SESTD1: variants seen among roughly 807,000 people sequenced by gnomAD.
SESTD1 encodes the protein SEC14 domain and spectrin repeat-containing protein 1.
A neutral mutation model predicts 101.7 loss-of-function variants in SESTD1; 43 were observed. The observed-to-expected ratio is 0.42, with a 90% CI of 0.33 to 0.55. SESTD1 has a LOEUF of 0.55. SESTD1 is among the 20% of genes least tolerant of loss of function. The probability of loss-of-function intolerance (pLI) is 0.07; values close to 1 mark genes in which losing one functional copy is unlikely to be tolerated. For synonymous variants in SESTD1, 283 were observed against 286.8 expected, an observed-to-expected ratio of 0.99 and a Z score of 0.13; for missense variants, 647 against 815.1, an observed-to-expected ratio of 0.79 and a Z score of 2.51.
At chr2:179,252,565 A>G (rs2047334171) in intron 1 of SESTD1, among the ~76,000 whole-genome samples, 1 of 152,238 alleles carries the variant, frequency 6.6e-6, no homozygotes, top group Non-Finnish European at 1.5e-5. Context: ...ATCAAAACAG[A>G]AAAAGATTTA....
intron 15 of SESTD1, 198 bp downstream of exon 15, chr2:179,116,470 G>A (rs2044636003): frequency 1.4e-6 from 1 of 712,204 alleles, no homozygotes; most frequent in Non-Finnish European, 2.4e-6. Context: ...TGCAGAACAT[G>A]TATTCAGGGA....
chr2:179,151,500 G>C, intron 5 of SESTD1, 109 bp from the exon 6 acceptor site: 1 of 582,986 alleles, frequency 1.7e-6, no homozygotes, highest in Non-Finnish European at 2.9e-6. Flanking sequence ...TTTCCAACAT[G>C]ATGACACATT....
chr2:179,136,436 C>T (rs2045146366), intron 9 of SESTD1, among the ~76,000 whole-genome samples: 1 of 152,048 alleles, frequency 6.6e-6, no homozygotes, highest in African/African-American at 2.4e-5. Context: ...CTTTAAGAAA[C>T]AGAAATAAAA....
chr2:179,132,397 T>C lies in SESTD1; in HGVS notation c.879A>G (p.Ser293=), dbSNP rs752069973. The C allele has an allele frequency of 6.4e-7, 1 of 1,562,236 alleles. No homozygotes were observed. Among genetic ancestry groups the C allele is most frequent in the Non-Finnish European group, 8.6e-7 (1 of 1,163,138 alleles). ...TGCCCCACTGGGCTCTTAGTTGTTC[T>C]GATCCAGGCCCTTCTAGCCAGTTCA... ...QVVNWLEGPG[S]EQLRAQWGIG... The change falls in exon 10 of 18, where the codon TCA becomes TCG. Residue 293 remains serine, a synonymous_variant. Coordinates refer to ENST00000428443, the MANE Select transcript of SESTD1 (RefSeq NM_178123.5).
chr2:179,145,734 G>C (rs975863215), intron 8 of SESTD1, among the ~76,000 whole-genome samples: 4 of 152,190 alleles, frequency 2.6e-5, no homozygotes, highest in African/African-American at 9.6e-5. Flanking sequence ...TATGGAGAGA[G>C]AGCTTAATAG....
chr2:179,243,541 A>G (rs2105548852), intron 1 of SESTD1, among the ~76,000 whole-genome samples: 1 of 152,346 alleles, frequency 6.6e-6, no homozygotes, highest in East Asian at 1.9e-4. Flanking sequence ...GATAAAGAAA[A>G]TGTGGTACAA....
chr2:179,116,346 A>G (rs2044633286), intron 15 of SESTD1, among the ~76,000 whole-genome samples: 1 of 152,186 alleles, frequency 6.6e-6, no homozygotes, highest in Non-Finnish European at 1.5e-5. Flanking sequence ...TGTGATGCAG[A>G]AAGTGAGGTT....
intron 17 of SESTD1, among the ~76,000 whole-genome samples, chr2:179,112,397 C>T (rs1395147680): frequency 5.3e-5 from 8 of 152,216 alleles, no homozygotes; most frequent in Non-Finnish European, 1.2e-4. Context: ...ACATCAATCC[C>T]TTGTCCCCTC....
At chr2:179,245,578 G>A (rs2047218235) in intron 1 of SESTD1, among the ~76,000 whole-genome samples, 1 of 147,446 alleles carries the variant, frequency 6.8e-6, no homozygotes, top group Non-Finnish European at 1.5e-5. Context: ...TATGGTCCTA[G>A]CTACTTAGGG....
chr2:179,231,331 GA>G (rs1338868517), intron 1 of SESTD1, among the ~76,000 whole-genome samples: 1 of 151,782 alleles, frequency 6.6e-6, no homozygotes, highest in African/African-American at 2.4e-5. Flanking sequence ...TGGAAAAAGA[GA>G]AAAAGAAAAA....
At chr2:179,153,232 ATTCTTTATGT>A (rs764936105) in intron 5 of SESTD1, among the ~76,000 whole-genome samples, 23 of 152,328 alleles carry the variant, frequency 1.5e-4, no homozygotes, top group Non-Finnish European at 2.9e-4. Context: ...GAATCATTAG[ATTCTTTATGT>A]TTTCAGTAAT....
Position 179,197,094 on chromosome 2 carries a change from C to G in SESTD1, c.-25-5228G>C, listed in dbSNP as rs2046410712. On this transcript the variant is annotated intron_variant, in intron 1 of 17. Transcript: ENST00000428443. Reference sequence around the variant, plus strand: ...TAGAAGAATGTATAACTAGAATAACCAATACAGAGAAGTACTTAAAGGAGC... The same window carrying G: ...TAGAAGAATGTATAACTAGAATAACGAATACAGAGAAGTACTTAAAGGAGC... 2.6e-5 allele frequency among the ~76,000 whole-genome samples: 4 copies of G among 151,870 alleles called. No homozygotes were observed. In the South Asian group the frequency reaches 8.3e-4, roughly 32 times the overall value.
Position 179,104,641 on chromosome 2 carries a change from T to C in SESTD1, c.*5258A>G, listed in dbSNP as rs527861839. ...TCACTGGGAACTGGCTGGAGTTCAA[T>C]AGCCCTTTTGTCAGAAAGTTTTCTA... is the stretch of plus-strand genomic sequence containing the variant. On this transcript the variant is annotated 3_prime_UTR_variant, in exon 18 of 18. Transcript: ENST00000428443. 1.3e-5 allele frequency: 2 copies of C among 152,268 alleles called. No homozygotes were observed. Among genetic ancestry groups the C allele is most frequent in the South Asian group, 2.1e-4 (1 of 4,832 alleles). 9.4% of individuals were successfully genotyped at this position (152,268 alleles called of 1,614,324 possible). A position where few individuals can be genotyped will look rare whatever the true frequency, so the allele number is the denominator to read the frequency against.
chr2:179,259,159 CTCTA>C (rs2047443842), intron 1 of SESTD1, among the ~76,000 whole-genome samples: 1 of 152,164 alleles, frequency 6.6e-6, no homozygotes, highest in Non-Finnish European at 1.5e-5. Context: ...TGGAAATCAT[CTCTA>C]TCTGATAGGA....
intron 5 of SESTD1, among the ~76,000 whole-genome samples, chr2:179,157,247 C>T (rs1376286953): frequency 6.6e-6 from 1 of 152,170 alleles, no homozygotes; most frequent in East Asian, 1.9e-4. Flanking sequence ...GAAACACATC[C>T]CATACTCATG....
At chr2:179,172,025 C>A in intron 5 of SESTD1, 95 bp downstream of exon 5, 1 of 712,860 alleles carries the variant, frequency 1.4e-6, no homozygotes, top group Non-Finnish European at 2.3e-6. Flanking sequence ...TCCTTAAGCA[C>A]TGCTTAGTAA....
At chr2:179,259,395 A>C (rs1217853177) in intron 1 of SESTD1, among the ~76,000 whole-genome samples, 1 of 151,762 alleles carries the variant, frequency 6.6e-6, no homozygotes, top group Non-Finnish European at 1.5e-5. Context: ...ACACCCGACT[A>C]ATTTTTGTAT....
chr2:179,109,692 G>A lies in SESTD1; in HGVS notation c.*207C>T, dbSNP rs2044464536. The A allele has an allele frequency of 5.3e-6, 3 of 569,054 alleles. No individual in the cohort carries two copies. Among genetic ancestry groups the A allele is most frequent in the Non-Finnish European group, 8.9e-6 (3 of 338,234 alleles). 35.3% of individuals were successfully genotyped at this position (569,054 alleles called of 1,614,324 possible). A position where few individuals can be genotyped will look rare whatever the true frequency, so the allele number is the denominator to read the frequency against. ...CAATGTTTATAGTTCCTTCTTTTAA[G>A]ATACTTGGAATCTACAGCCTCGAAG... On this transcript the variant is annotated 3_prime_UTR_variant, in exon 18 of 18. Coordinates refer to ENST00000428443, the MANE Select transcript of SESTD1 (RefSeq NM_178123.5).
At chr2:179,203,117 A>G (rs1278064607) in intron 1 of SESTD1, among the ~76,000 whole-genome samples, 1 of 134,610 alleles carries the variant, frequency 7.4e-6, no homozygotes, top group Non-Finnish European at 1.6e-5. Context: ...CTTCTGACAG[A>G]TGGTTAATCA....
Sources: gnomAD v4.1 joint callset for allele counts (sites outside exome capture counted in the v4.1 genomes callset) on GRCh38, gnomAD v4.1.1 for gene constraint, MANE v1.5 for transcripts, NCBI Gene and HGNC (gene_info 2026-07-23, HGNC 2026-07-21) for gene names.